ARHGEF28: variants seen among roughly 807,000 people sequenced by gnomAD.
The protein encoded by ARHGEF28 is Rho guanine nucleotide exchange factor 28.
In ARHGEF28, 152 loss-of-function variants were observed where a neutral mutation model predicts 206.6. The ratio of observed to expected loss-of-function variants is 0.74; its 90% CI spans 0.64 to 0.84. The LOEUF is 0.84. Ranked by LOEUF, ARHGEF28 falls within the 40% of genes least tolerant of loss-of-function variation. The pLI is 0.00. For missense variants in ARHGEF28, 2,028 were observed against 2,073.2 expected (o/e 0.98, Z 0.42); for synonymous variants, 763 against 776.4 (o/e 0.98, Z 0.29).
intron 9 of ARHGEF28, among the ~76,000 whole-genome samples, chr5:73,798,714 A>T (rs1754968568): frequency 6.6e-6 from 1 of 152,194 alleles, no homozygotes; most frequent in African/African-American, 2.4e-5. Flanking sequence ...AAGAAGGTAG[A>T]TGAAATGAAA....
At chr5:73,862,139 A>G (rs2112621392) in intron 16 of ARHGEF28, among the ~76,000 whole-genome samples, 1 of 152,314 alleles carries the variant, frequency 6.6e-6, no homozygotes, top group Admixed American at 6.5e-5. Context: ...TTATATTTCT[A>G]TAAAATTACC....
intron 7 of ARHGEF28, among the ~76,000 whole-genome samples, chr5:73,787,348 T>C (rs1324883106): frequency 6.6e-6 from 1 of 152,198 alleles, no homozygotes; most frequent in South Asian, 2.1e-4. Flanking sequence ...ACAAAAATCA[T>C]ACGCAGCCCT....
chr5:73,909,959 C>T lies in ARHGEF28; in HGVS notation c.4647+62C>T. 2 of 1,450,166 alleles carry T rather than the reference C, an allele frequency of 1.4e-6. 1 individual carries two copies. Among genetic ancestry groups the T allele is most frequent in the South Asian group, 3.0e-5 (2 of 66,126 alleles). The allele number at this position is 1,450,166 out of a possible 1,614,324, so 89.8% of individuals were successfully genotyped here. On this transcript the variant is annotated intron_variant, in intron 34 of 35. Transcript: ENST00000513042. ...AAAGACAGGGGTGGGCCTGGGGGCT[C>T]CTAGGACACTAACCAAACATCTGTC...
intron 2 of ARHGEF28, among the ~76,000 whole-genome samples, chr5:73,688,681 G>A (rs879480707): frequency 2.0e-5 from 3 of 151,786 alleles, no homozygotes; most frequent in Non-Finnish European, 4.4e-5. Flanking sequence ...TTTTTGAGAT[G>A]GAGTCTCACT....
intron 30 of ARHGEF28, chr5:73,899,582 A>T (rs531278815): frequency 6.6e-6 from 1 of 152,264 alleles, no homozygotes; most frequent in Non-Finnish European, 1.5e-5. Context: ...AGACTGGAAC[A>T]TGGTGCTATG....
chr5:73,841,054 C>T (rs1179988336), intron 11 of ARHGEF28, among the ~76,000 whole-genome samples: 2 of 152,154 alleles, frequency 1.3e-5, no homozygotes, highest in Non-Finnish European at 2.9e-5. Context: ...ATGGAAATTC[C>T]TGCATAAAGA....
chr5:73,667,930 T>A (rs1746069541), intron 1 of ARHGEF28, among the ~76,000 whole-genome samples: 1 of 152,238 alleles, frequency 6.6e-6, no homozygotes, highest in Admixed American at 6.5e-5. Flanking sequence ...ATAACAAGGA[T>A]GACATTTACT....
chr5:73,930,107 T>C (rs1764025168), intron 35 of ARHGEF28, among the ~76,000 whole-genome samples: 1 of 152,208 alleles, frequency 6.6e-6, no homozygotes, highest in Non-Finnish European at 1.5e-5. Context: ...CTTAGTCACA[T>C]GAATGAGAGT....
At chr5:73,683,884 C>T (rs1022121908) in intron 1 of ARHGEF28, among the ~76,000 whole-genome samples, 1 of 152,088 alleles carries the variant, frequency 6.6e-6, no homozygotes, top group African/African-American at 2.4e-5. Context: ...TCTTGGCTTT[C>T]TGAAATATTT....
Position 73,892,346 on chromosome 5 carries a change from C to T in ARHGEF28, c.3566+116C>T, listed in dbSNP as rs1761692394. 8 of 1,148,492 alleles carry T rather than the reference C, an allele frequency of 7.0e-6. No homozygotes were observed. The Admixed American group carries it at 1.1e-4, about 15-fold the overall frequency. The allele number at this position is 1,148,492 out of a possible 1,614,324, so 71.1% of individuals were successfully genotyped here. A position where few individuals can be genotyped will look rare whatever the true frequency, so the allele number is the denominator to read the frequency against. ...CTCTGCCAGAATGGTCTGCCCCCTGCCCCCTGCACCTGCCTGCGATAGCCC... is the reference window on the plus strand; with the variant it reads ...CTCTGCCAGAATGGTCTGCCCCCTGTCCCCTGCACCTGCCTGCGATAGCCC... On this transcript the variant is annotated intron_variant, in intron 27 of 35. Transcript: ENST00000513042.
chr5:73,642,752 A>T (rs988301734), intron 1 of ARHGEF28, among the ~76,000 whole-genome samples: 1 of 152,170 alleles, frequency 6.6e-6, no homozygotes, highest in African/African-American at 2.4e-5. Context: ...GGGGTGTATT[A>T]TCTGCAAAGA....
chr5:73,719,685 T>C (rs1466794630), intron 2 of ARHGEF28, among the ~76,000 whole-genome samples: 1 of 152,258 alleles, frequency 6.6e-6, no homozygotes, highest in Non-Finnish European at 1.5e-5. Flanking sequence ...ATCATGATTT[T>C]TCAAATGTGT....
intron 11 of ARHGEF28, among the ~76,000 whole-genome samples, chr5:73,845,043 A>C (rs765114467): frequency 9.8e-5 from 9 of 91,646 alleles, no homozygotes; most frequent in Non-Finnish European, 1.2e-4. Flanking sequence ...TTTGAGACGG[A>C]GTCTTGCTCT....
At chr5:73,856,764 G>C (rs772551007) in intron 14 of ARHGEF28, among the ~76,000 whole-genome samples, 26 of 152,058 alleles carry the variant, frequency 1.7e-4, no homozygotes, top group Non-Finnish European at 3.5e-4. Flanking sequence ...AGTATGGAAA[G>C]GTGAGAATTT....
intron 22 of ARHGEF28, among the ~76,000 whole-genome samples, chr5:73,876,953 A>G (rs1019664474): frequency 1.2e-4 from 18 of 145,000 alleles, no homozygotes; most frequent in African/African-American, 4.7e-4. Flanking sequence ...GTTAGGGAGG[A>G]TTCCCTCTTT....
At position 73,780,758 on chromosome 5, in the gene ARHGEF28, CT is replaced by C; in HGVS notation, c.910+16del. 1 of 1,553,636 alleles carries C rather than the reference CT, an allele frequency of 6.4e-7. No homozygotes were observed. The highest frequency in any genetic ancestry group is 2.4e-5 in the East Asian group (1 of 41,136). ...GAAACTGAAGAAGGTACGCATGCTC[CT>C]TTCCCACTTATGGCAGCCACAGAGT... On this transcript the variant is annotated intron_variant, in intron 7 of 35. Transcript: ENST00000513042.
At chr5:73,850,577 T>C (rs2312935) in intron 13 of ARHGEF28, among the ~76,000 whole-genome samples, 19,089 of 152,096 alleles carry the variant, frequency 0.13, 1,647 homozygotes, top group African/African-American at 0.22. Flanking sequence ...CATGTTTAAG[T>C]TTTCTGTGCT....
chr5:73,636,639 A>C (rs1432033467), intron 1 of ARHGEF28, among the ~76,000 whole-genome samples: 1 of 152,138 alleles, frequency 6.6e-6, no homozygotes, highest in South Asian at 2.1e-4. Context: ...GTGCAAGATG[A>C]AGGTTTTAAA....
At chr5:73,874,688 G>A (rs1459961218) in intron 22 of ARHGEF28, among the ~76,000 whole-genome samples, 7 of 150,292 alleles carry the variant, frequency 4.7e-5, no homozygotes, top group African/African-American at 9.8e-5. Context: ...TTGTCCTTGC[G>A]ATAGTTTGCT....
Sources: gnomAD v4.1 joint callset for allele counts (sites outside exome capture counted in the v4.1 genomes callset) on GRCh38, gnomAD v4.1.1 for gene constraint, MANE v1.5 for transcripts, NCBI Gene and HGNC (gene_info 2026-07-23, HGNC 2026-07-21) for gene names.